Variants in SPAG16 observed in about 807,000 individuals in gnomAD.
SPAG16 encodes sperm-associated antigen 16 protein.
Under a neutral mutation model 80.4 loss-of-function variants are expected in SPAG16, and 86 were observed. The ratio of observed to expected loss-of-function variants is 1.07; its 90% confidence interval spans 0.90 to 1.28. The LOEUF is 1.28. SPAG16 is among the 50% of genes most tolerant of loss of function. The probability of loss-of-function intolerance (pLI) is 0.00; values close to 1 mark genes in which losing one functional copy is unlikely to be tolerated. For synonymous variants in SPAG16, 294 were observed against 265.9 expected (o/e 1.11, Z -1.03); for missense variants, 870 against 765.3 (o/e 1.14, Z -1.61).
intron 15 of SPAG16, among the ~76,000 whole-genome samples, chr2:214,200,680 A>G (rs946956354): frequency 6.6e-6 from 1 of 152,182 alleles, no homozygotes; most frequent in African/African-American, 2.4e-5. Flanking sequence ...TCTCAAACAA[A>G]CAAACAAGAT....
chr2:213,940,063 A>T (rs931985675), intron 12 of SPAG16, among the ~76,000 whole-genome samples: 8 of 152,180 alleles, frequency 5.3e-5, no homozygotes, highest in African/African-American at 1.9e-4. Context: ...TTGAAAATTT[A>T]TGGTAATTAC....
intron 10 of SPAG16, among the ~76,000 whole-genome samples, chr2:213,796,752 T>C (rs2071059556): frequency 6.6e-6 from 1 of 152,186 alleles, no homozygotes; most frequent in Non-Finnish European, 1.5e-5. Flanking sequence ...TAATACTTGA[T>C]AATAAATAAA....
intron 9 of SPAG16, among the ~76,000 whole-genome samples, chr2:213,426,216 T>C (rs1271197275): frequency 6.6e-6 from 1 of 152,144 alleles, no homozygotes; most frequent in Non-Finnish European, 1.5e-5. Context: ...ATTGCAAATA[T>C]TTTTGGCAGT....
At chr2:214,157,134 G>C (rs1228141776) in intron 15 of SPAG16, among the ~76,000 whole-genome samples, 3 of 152,112 alleles carry the variant, frequency 2.0e-5, no homozygotes, top group Non-Finnish European at 4.4e-5. Context: ...CAGACTATGT[G>C]GCTCTTTGGA....
At position 213,340,289 on chromosome 2, in the gene SPAG16, G is replaced by T; in HGVS notation, c.644+19G>T. On this transcript the variant is annotated intron_variant, in intron 6 of 15. Transcript: ENST00000331683. ...TCAAAGGGTAAGCTTATACTTGTTG[G>T]CATATTTATTAAAGAGTTATTTAAT... The T allele has an allele frequency of 6.8e-7, 1 of 1,471,822 alleles. No individual in the cohort carries two copies. The highest frequency in any genetic ancestry group is 9.4e-7 in the Non-Finnish European group (1 of 1,065,786). 91.2% of individuals were successfully genotyped at this position (1,471,822 alleles called of 1,614,324 possible).
intron 7 of SPAG16, among the ~76,000 whole-genome samples, chr2:213,363,808 A>G (rs549322658): frequency 6.6e-6 from 1 of 152,244 alleles, no homozygotes; most frequent in South Asian, 2.1e-4. Flanking sequence ...TACAATGAGT[A>G]TTCTTAATTC....
chr2:214,129,572 TA>T (rs2054659897), intron 14 of SPAG16, among the ~76,000 whole-genome samples: 2 of 152,190 alleles, frequency 1.3e-5, no homozygotes, highest in South Asian at 4.1e-4. Context: ...ATAATAGCAT[TA>T]TTTTTAACAT....
rs143307138 is a variant in SPAG16, at chr2:214,369,970, T to C, written c.1721-40170T>C. Among the ~76,000 whole-genome samples the C allele has an allele frequency of 2.0e-5, 3 of 152,250 alleles. No homozygotes were observed. In the East Asian group the frequency reaches 5.8e-4, roughly 29 times the overall value. ...ACATTTCTACCCCTCACCTCAGTAA[T>C]GAATGTTGAAAACTCTTTTTTCAAA... On this transcript the variant is annotated intron_variant, in intron 15 of 15. Transcript: ENST00000331683.
At chr2:213,697,512 A>G (rs2065209240) in intron 10 of SPAG16, among the ~76,000 whole-genome samples, 1 of 152,160 alleles carries the variant, frequency 6.6e-6, no homozygotes, top group Non-Finnish European at 1.5e-5. Flanking sequence ...ATGTGAAAAA[A>G]TTGAAGATTT....
chr2:213,644,432 A>G (rs1428173872), intron 10 of SPAG16, among the ~76,000 whole-genome samples: 2 of 152,082 alleles, frequency 1.3e-5, no homozygotes, highest in Middle Eastern at 3.2e-3. Flanking sequence ...CTGGGCATTA[A>G]AGATTTAGGT....
chr2:213,778,581 A>G (rs1049583159), intron 10 of SPAG16, among the ~76,000 whole-genome samples: 3 of 152,136 alleles, frequency 2.0e-5, no homozygotes, highest in African/African-American at 7.2e-5. Flanking sequence ...TCAGTACCCA[A>G]TCCACTGGCC....
At chr2:213,497,238 T>C (rs191850315) in intron 10 of SPAG16, among the ~76,000 whole-genome samples, 1 of 152,264 alleles carries the variant, frequency 6.6e-6, no homozygotes, top group African/African-American at 2.4e-5. Flanking sequence ...GCAGCAAATA[T>C]AAACATTCAT....
chr2:214,003,663 G>A (rs554729950), intron 12 of SPAG16, among the ~76,000 whole-genome samples: 143 of 152,294 alleles, frequency 9.4e-4, no homozygotes, highest in African/African-American at 3.2e-3. Context: ...GGGAAATACA[G>A]GGGTTAATTT....
intron 12 of SPAG16, among the ~76,000 whole-genome samples, chr2:213,937,488 A>G (rs1158266967): frequency 1.3e-5 from 2 of 152,074 alleles, no homozygotes; most frequent in Non-Finnish European, 2.9e-5. Context: ...CTGTTACACC[A>G]GGATAATTAA....
chr2:214,091,739 T>G (rs1406415887), intron 13 of SPAG16, among the ~76,000 whole-genome samples: 1 of 152,254 alleles, frequency 6.6e-6, no homozygotes, highest in African/African-American at 2.4e-5. Flanking sequence ...TGTACACACA[T>G]AGAAATCATT....
chr2:214,153,867 A>T (rs1388045987), intron 15 of SPAG16, among the ~76,000 whole-genome samples: 1 of 152,266 alleles, frequency 6.6e-6, no homozygotes, highest in Middle Eastern at 3.4e-3. Flanking sequence ...TCAGCCTCTC[A>T]TACATTTAAA....
At chr2:213,586,434 C>T (rs993786777) in intron 10 of SPAG16, among the ~76,000 whole-genome samples, 1 of 152,190 alleles carries the variant, frequency 6.6e-6, no homozygotes, top group Non-Finnish European at 1.5e-5. Context: ...AATGACCACC[C>T]AAAGGCACCA....
intron 11 of SPAG16, among the ~76,000 whole-genome samples, chr2:213,913,882 T>G (rs978589993): frequency 1.2e-4 from 19 of 152,066 alleles, no homozygotes; most frequent in Admixed American, 1.2e-3. Flanking sequence ...CTGAAGGAAT[T>G]CCATCTTATT....
chr2:213,327,929 A>G (rs1453074542), intron 5 of SPAG16, among the ~76,000 whole-genome samples: 1 of 152,176 alleles, frequency 6.6e-6, no homozygotes, highest in Non-Finnish European at 1.5e-5. Context: ...TGCTATGTGC[A>G]AGACTATGTA....
Sources: gnomAD v4.1 joint callset for allele counts (sites outside exome capture counted in the v4.1 genomes callset) on GRCh38, gnomAD v4.1.1 for gene constraint, MANE v1.5 for transcripts, NCBI Gene and HGNC (gene_info 2026-07-23, HGNC 2026-07-21) for gene names.